Variants in LPP observed in about 807,000 individuals in gnomAD.
LPP encodes the protein lipoma-preferred partner.
Under a neutral mutation model 60.4 loss-of-function variants are expected in LPP, and 38 were observed. That is an observed-to-expected ratio of 0.63 (90% confidence interval 0.49 to 0.83). The LOEUF is 0.83. Ranked by LOEUF, LPP falls within the 40% of genes least tolerant of loss-of-function variation. The probability of loss-of-function intolerance (pLI) is 0.00; values close to 1 mark genes in which losing one functional copy is unlikely to be tolerated. For missense variants in LPP, 902 were observed against 783.6 expected (o/e 1.15, Z -1.80); for synonymous variants, 328 against 290.8 (o/e 1.13, Z -1.30).
chr3:188,635,473 T>G (rs778033311), intron 7 of LPP, among the ~76,000 whole-genome samples: 5 of 152,196 alleles, frequency 3.3e-5, no homozygotes, highest in African/African-American at 4.8e-5. Flanking sequence ...TTATTCAGAT[T>G]ATTTTGACAT....
At chr3:188,385,966 C>G (rs1461126738) in intron 3 of LPP, among the ~76,000 whole-genome samples, 1 of 152,090 alleles carries the variant, frequency 6.6e-6, no homozygotes, top group Non-Finnish European at 1.5e-5. Context: ...TTTTGTATGT[C>G]AAATTTTACT....
intron 4 of LPP, among the ~76,000 whole-genome samples, chr3:188,407,121 G>A (rs1231945532): frequency 1.3e-5 from 2 of 151,546 alleles, no homozygotes; most frequent in Non-Finnish European, 2.9e-5. Context: ...TCTAGGAGCT[G>A]AGAGAGAAGA....
chr3:188,166,656 G>A (rs951692468), intron 1 of LPP, among the ~76,000 whole-genome samples: 8 of 152,180 alleles, frequency 5.3e-5, no homozygotes, highest in African/African-American at 1.9e-4. Flanking sequence ...CATTGAACCA[G>A]GACTTAAGTT....
chr3:188,234,233 C>T (rs1721098295), intron 2 of LPP, among the ~76,000 whole-genome samples: 1 of 152,062 alleles, frequency 6.6e-6, no homozygotes, highest in Non-Finnish European at 1.5e-5. Context: ...TTTGATAGTT[C>T]CCGGTCTGCT....
intron 4 of LPP, among the ~76,000 whole-genome samples, chr3:188,407,079 T>TA (rs5855193): frequency 0.025 from 3,618 of 143,466 alleles, 123 homozygotes; most frequent in African/African-American, 0.081. Context: ...TAACTTAAAA[T>TA]AAAAAAAAAA....
At chr3:188,517,445 A>G (rs576789161) in intron 5 of LPP, among the ~76,000 whole-genome samples, 2 of 152,346 alleles carry the variant, frequency 1.3e-5, no homozygotes, top group South Asian at 4.1e-4. Flanking sequence ...GTCCCCTCCA[A>G]ATCTCATGTT....
In LPP at chr3:188,609,705, C is replaced by G. The variant is rs1030648320; in HGVS notation, c.974C>G (p.Thr325Ser). ...PTYGQQGHPN[T>S]WKREPGYTPP... ...TATGGTCAACAAGGTCACCCAAATA[C>G]CTGGAAACGGGAACCAGGGTACACT... The change falls in exon 7 of 12, where the codon ACC (threonine) becomes AGC (serine). Residue 325 changes from threonine (T) to serine (S), a missense_variant. By Grantham distance (58) the Thr-to-Ser change is moderately conservative. Transcript: ENST00000617246. The surrounding 1 kb of genome is among the most constrained non-coding windows in gnomAD (Gnocchi z 6.9). 1.2e-6 allele frequency: 2 copies of G among 1,614,090 alleles called. No homozygotes were observed.
chr3:188,366,960 G>C (rs1261082380), intron 3 of LPP, among the ~76,000 whole-genome samples: 2 of 151,540 alleles, frequency 1.3e-5, no homozygotes, highest in Non-Finnish European at 2.9e-5. Context: ...GCAGTGGTGC[G>C]ATCTCGCCTC....
In LPP at chr3:188,176,582, T is replaced by C. The variant is rs1723099754; in HGVS notation, c.-190+22330T>C. Among the ~76,000 whole-genome samples the C allele has an allele frequency of 2.6e-5, 4 of 151,774 alleles. No homozygotes were observed. In the South Asian group the frequency reaches 8.3e-4, roughly 31 times the overall value. ...TGTTTTTCAGGTCTTTCCATTAGGC[T>C]CTCTTCAGCTAATTAAAAAAAAAAA... is the stretch of plus-strand genomic sequence containing the variant. On this transcript the variant is annotated intron_variant, in intron 1 of 11. Transcript: ENST00000617246.
chr3:188,252,956 G>A lies in LPP; in HGVS notation c.-67+27429G>A, dbSNP rs186049052. 4.3e-4 allele frequency among the ~76,000 whole-genome samples: 65 copies of A among 151,886 alleles called. No homozygotes were observed. In the South Asian group the frequency reaches 0.011, roughly 26 times the overall value. ...CAAGCTAATTTTTTGTATTTTTCAC[G>A]GAGATGGGGTTTTGCCATGTTGGCC... On this transcript the variant is annotated intron_variant, in intron 2 of 11. Transcript: ENST00000617246.
intron 3 of LPP, among the ~76,000 whole-genome samples, chr3:188,378,817 T>G (rs572425897): frequency 1.3e-5 from 2 of 152,376 alleles, no homozygotes; most frequent in African/African-American, 4.8e-5. Flanking sequence ...CTCTGGGAGC[T>G]GTAGACTGGA....
At chr3:188,680,525 C>G (rs1859252112) in intron 7 of LPP, among the ~76,000 whole-genome samples, 1 of 152,152 alleles carries the variant, frequency 6.6e-6, no homozygotes, top group Non-Finnish European at 1.5e-5. Context: ...TTTCAGATGC[C>G]TGCAATAGTG....
At chr3:188,872,801 G>C (rs1244926328) in intron 11 of LPP, 38 bp downstream of exon 11, 3 of 1,613,292 alleles carry the variant, frequency 1.9e-6, no homozygotes, top group African/African-American at 2.7e-5. Context: ...TCTGTGGCAG[G>C]CGTTGAAAGG....
chr3:188,520,656 G>A (rs1459247494), intron 5 of LPP, among the ~76,000 whole-genome samples: 1 of 152,106 alleles, frequency 6.6e-6, no homozygotes. Flanking sequence ...AAAATAAATG[G>A]CCAACATGCG....
intron 9 of LPP, among the ~76,000 whole-genome samples, chr3:188,808,751 G>A (rs1005930167): frequency 6.6e-6 from 1 of 152,126 alleles, no homozygotes; most frequent in Non-Finnish European, 1.5e-5. Flanking sequence ...GTGCCCTGGC[G>A]GTTTGCTGCA....
intron 3 of LPP, among the ~76,000 whole-genome samples, chr3:188,356,089 G>A (rs1767529863): frequency 6.6e-6 from 1 of 152,076 alleles, no homozygotes; most frequent in Non-Finnish European, 1.5e-5. Context: ...CTTATAGCGC[G>A]GATGTTTTTT....
At chr3:188,761,839 G>A (rs1436215813) in intron 9 of LPP, among the ~76,000 whole-genome samples, 2 of 152,018 alleles carry the variant, frequency 1.3e-5, no homozygotes, top group African/African-American at 2.4e-5. Context: ...AAAAAGAAAG[G>A]CATTACATAA....
chr3:188,187,413 C>T (rs987280766), intron 1 of LPP, among the ~76,000 whole-genome samples: 9 of 151,986 alleles, frequency 5.9e-5, no homozygotes, highest in African/African-American at 2.2e-4. Flanking sequence ...TGTTCAGAGT[C>T]ATTCTACATT....
At chr3:188,526,608 C>T (rs527567024) in intron 6 of LPP, among the ~76,000 whole-genome samples, 23 of 152,312 alleles carry the variant, frequency 1.5e-4, no homozygotes, top group Non-Finnish European at 3.1e-4. Flanking sequence ...TCTTTAGATA[C>T]ATTCCCTGTA....
Sources: gnomAD v4.1 joint callset for allele counts (sites outside exome capture counted in the v4.1 genomes callset) on GRCh38, gnomAD v4.1.1 for gene constraint, Gnocchi (gnomAD v3.1) non-coding constraint, MANE v1.5 for transcripts, NCBI Gene and HGNC (gene_info 2026-07-23, HGNC 2026-07-21) for gene names.